Variants in CNOT7 observed in about 807,000 individuals in gnomAD.
CNOT7 encodes BTG1-binding factor 1.
In CNOT7, 4 loss-of-function variants were observed where a neutral mutation model predicts 37.1. The observed-to-expected ratio is 0.11, with a 90% CI of 0.05 to 0.25. CNOT7 has a LOEUF of 0.25. CNOT7 is among the 10% of genes least tolerant of loss of function. CNOT7 has a pLI of 1.00. For synonymous variants in CNOT7, 128 were observed against 115.6 expected (o/e 1.11, Z -0.69); for missense variants, 170 against 336.2 (o/e 0.51, Z 3.87).
Position 17,230,632 on chromosome 8 carries a change from G to T in CNOT7, c.*88C>A. The T allele has an allele frequency of 8.6e-7, 1 of 1,165,362 alleles. No individual in the cohort carries two copies. The highest frequency in any genetic ancestry group is 1.2e-6 in the Non-Finnish European group (1 of 849,316). 72.2% of individuals were successfully genotyped at this position (1,165,362 alleles called of 1,614,324 possible). On this transcript the variant is annotated 3_prime_UTR_variant, in exon 7 of 7. Coordinates refer to ENST00000361272, the MANE Select transcript of CNOT7 (RefSeq NM_013354.7). ...CCATGAAAGGGGGGGGAAAGGTACTGTCTATTGTTCGAGGGATTCAACCAG... is the reference window on the plus strand; with the variant it reads ...CCATGAAAGGGGGGGGAAAGGTACTTTCTATTGTTCGAGGGATTCAACCAG...
intron 6 of CNOT7, 137 bp downstream of exon 6, chr8:17,232,290 G>A: frequency 6.6e-7 from 1 of 1,522,112 alleles, no homozygotes; most frequent in South Asian, 1.3e-5. Context: ...TTTTAAGTGT[G>A]GTGGATGTGA....
At position 17,230,536 on chromosome 8, in the gene CNOT7, TTTTTTC is replaced by T. The variant is rs1185296533; in HGVS notation, c.*178_*183del. 2 of 391,930 alleles carry T rather than the reference TTTTTTC, an allele frequency of 5.1e-6. No homozygotes were observed. The highest frequency in any genetic ancestry group is 4.0e-5 in the East Asian group (1 of 25,094). The allele number at this position is 391,930 out of a possible 1,614,324, so 24.3% of individuals were successfully genotyped here. A position where few individuals can be genotyped will look rare whatever the true frequency, so the allele number is the denominator to read the frequency against. On this transcript the variant is annotated 3_prime_UTR_variant, in exon 7 of 7. Transcript: ENST00000361272. Reference sequence around the variant, plus strand: ...CCAAATTTAACCTGAATGCGTTTTTTTTTTTCTTTTTATTAAGATCTGAGATAGGAA... The same window carrying T: ...CCAAATTTAACCTGAATGCGTTTTTTTTTTTATTAAGATCTGAGATAGGAA...
At chr8:17,234,671 G>C (rs1277715999) in intron 5 of CNOT7, 45 bp downstream of exon 5, 1 of 1,604,082 alleles carries the variant, frequency 6.2e-7, no homozygotes. Flanking sequence ...CAGTCACTTG[G>C]TCTGAACAGT....
Position 17,233,193 on chromosome 8 carries a change from A to G in CNOT7, c.619-656T>C, listed in dbSNP as rs554266779. Among the ~76,000 whole-genome samples the G allele has an allele frequency of 2.6e-5, 4 of 152,298 alleles. No individual in the cohort carries two copies. In the South Asian group the frequency reaches 8.3e-4, roughly 32 times the overall value. ...AGGAAAGAAAGTGGGAGGACAGGCA[A>G]GGAGAGTAAAGGGAGGGGAGAATAA... is the stretch of plus-strand genomic sequence containing the variant. On this transcript the variant is annotated intron_variant, in intron 5 of 6. Coordinates refer to ENST00000361272, the MANE Select transcript of CNOT7 (RefSeq NM_013354.7).
intron 2 of CNOT7, chr8:17,243,573 G>A (rs1291067743): frequency 8.7e-6 from 4 of 461,108 alleles, no homozygotes; most frequent in African/African-American, 4.0e-5. Flanking sequence ...AAAACGCCCT[G>A]TACTTTCCAA....
rs895981467 is a variant in CNOT7, at chr8:17,226,392, G to T, written c.*4328C>A. ...TTGAAAATGTCTTTTCACACAAACA[G>T]GTCAAGGTACTGCTAAATACTGACA... On this transcript the variant is annotated 3_prime_UTR_variant, in exon 7 of 7. Transcript: ENST00000361272. The T allele has an allele frequency of 8.9e-5, 13 of 146,638 alleles. No individual in the cohort carries two copies. Among genetic ancestry groups the T allele is most frequent in the African/African-American group, 3.0e-4 (12 of 40,674 alleles). The allele number at this position is 146,638 out of a possible 1,614,324, so 9.1% of individuals were successfully genotyped here.
chr8:17,239,568 T>G (rs1021173926), intron 3 of CNOT7, among the ~76,000 whole-genome samples: 1 of 152,128 alleles, frequency 6.6e-6, no homozygotes. Flanking sequence ...CTCGGCTCAC[T>G]GCAAGCTCCA....
intron 6 of CNOT7, among the ~76,000 whole-genome samples, 190 bp from the exon 7 acceptor site, chr8:17,231,038 A>G (rs1389540150): frequency 6.6e-6 from 1 of 152,140 alleles, no homozygotes; most frequent in African/African-American, 2.4e-5. Context: ...TACAGAGCTC[A>G]GAAACCAAAG....
rs1306725530 is a variant in CNOT7, at chr8:17,237,328, A to T, written c.357T>A (p.Ser119=). The T allele has an allele frequency of 1.9e-6, 3 of 1,614,066 alleles. No homozygotes were observed. The highest frequency in any genetic ancestry group is 2.5e-6 in the Non-Finnish European group (3 of 1,179,972). Residue 119 remains serine (S), a synonymous_variant, in exon 4 of 7, where the codon TCT becomes TCA. Coordinates refer to ENST00000361272, the MANE Select transcript of CNOT7 (RefSeq NM_013354.7). ...CCTCATGTTTTTTAAACTGGATACCAGATGTTGTTAGTAGCTCTATAGAGT... is the reference window on the plus strand; with the variant it reads ...CCTCATGTTTTTTAAACTGGATACCTGATGTTGTTAGTAGCTCTATAGAGT... ...AQDSIELLTT[S]GIQFKKHEEE...
chr8:17,243,701 C>G, intron 2 of CNOT7: 1 of 454,260 alleles, frequency 2.2e-6, no homozygotes, highest in African/African-American at 2.0e-5. Flanking sequence ...AGCATGCTGT[C>G]AAGAATTGCA....
chr8:17,229,867 G>A lies in CNOT7; in HGVS notation c.*853C>T, dbSNP rs1808413346. 1 of 151,570 alleles carries A rather than the reference G, an allele frequency of 6.6e-6. No homozygotes were observed. Among genetic ancestry groups the A allele is most frequent in the Non-Finnish European group, 1.5e-5 (1 of 67,662 alleles). 9.4% of individuals were successfully genotyped at this position (151,570 alleles called of 1,614,324 possible). On this transcript the variant is annotated 3_prime_UTR_variant, in exon 7 of 7. Coordinates refer to ENST00000361272, the MANE Select transcript of CNOT7 (RefSeq NM_013354.7). ...AAAAAAAAAAAGGGTAAATGGTGAT[G>A]GAATAAAAATAAGCAGATCAAGGGA...
At position 17,227,465 on chromosome 8, in the gene CNOT7, A is replaced by T. The variant is rs1161890474; in HGVS notation, c.*3255T>A. ...AACTACTGTTCTCATCAAAGGGCTG[A>T]TGTCTTAATTTTCTCTGGACACATG... On this transcript the variant is annotated 3_prime_UTR_variant, in exon 7 of 7. Coordinates refer to ENST00000361272, the MANE Select transcript of CNOT7 (RefSeq NM_013354.7). 1 of 151,850 alleles carries T rather than the reference A, an allele frequency of 6.6e-6. No homozygotes were observed. 9.4% of individuals were successfully genotyped at this position (151,850 alleles called of 1,614,324 possible).
At chr8:17,240,352 AT>A (rs111442538) in intron 3 of CNOT7, among the ~76,000 whole-genome samples, 567 of 146,080 alleles carry the variant, frequency 3.9e-3, no homozygotes, top group Middle Eastern at 0.014. Context: ...ACATTTTGAG[AT>A]TTTTTTTTTT....
rs1808469708 is a variant in CNOT7, at chr8:17,230,426, C to T, written c.*294G>A. On this transcript the variant is annotated 3_prime_UTR_variant, in exon 7 of 7. Transcript: ENST00000361272. ...AGGGAAAAATAAACCAAACTCAAGT[C>T]GGTAAAGTTTATCAAAATATTCAAT... 2 of 188,624 alleles carry T rather than the reference C, an allele frequency of 1.1e-5. No homozygotes were observed. The highest frequency in any genetic ancestry group is 2.3e-5 in the African/African-American group (1 of 42,832). The allele number at this position is 188,624 out of a possible 1,614,324, so 11.7% of individuals were successfully genotyped here. A position where few individuals can be genotyped will look rare whatever the true frequency, so the allele number is the denominator to read the frequency against.
rs879483401 is a variant in CNOT7 at position 17,232,273 on chromosome 8, T to C, written c.729+154A>G. Reference sequence around the variant, plus strand: ...ACTACATTTCAAGATGACTTATTTTTGAATACTTTTAAGTGTGGTGGATGT... The same window carrying C: ...ACTACATTTCAAGATGACTTATTTTCGAATACTTTTAAGTGTGGTGGATGT... On this transcript the variant is annotated intron_variant, in intron 6 of 6. Coordinates refer to ENST00000361272, the MANE Select transcript of CNOT7 (RefSeq NM_013354.7). 4.1e-6 allele frequency: 6 copies of C among 1,476,456 alleles called. No individual in the cohort carries two copies. In the Admixed American group the frequency reaches 1.1e-4, roughly 28 times the overall value. The allele number at this position is 1,476,456 out of a possible 1,614,324, so 91.5% of individuals were successfully genotyped here. A position where few individuals can be genotyped will look rare whatever the true frequency, so the allele number is the denominator to read the frequency against.
In CNOT7 at chr8:17,236,698, G is replaced by A. The variant is rs576505109; in HGVS notation, c.473+514C>T. 2.6e-3 allele frequency among the ~76,000 whole-genome samples: 392 copies of A among 152,142 alleles called. 3 individuals are homozygous for A. The highest frequency in any genetic ancestry group is 4.2e-3 in the Non-Finnish European group (283 of 68,016). Reference sequence around the variant, plus strand: ...TTATCACTATCTAACAAATCACAACGTGAACTCCATTTTTAAAAACTGTCT... The same window carrying A: ...TTATCACTATCTAACAAATCACAACATGAACTCCATTTTTAAAAACTGTCT... On this transcript the variant is annotated intron_variant, in intron 4 of 6. Coordinates refer to ENST00000361272, the MANE Select transcript of CNOT7 (RefSeq NM_013354.7).
chr8:17,230,879 A>G, intron 6 of CNOT7, 31 bp from the exon 7 acceptor site: 6 of 1,491,966 alleles, frequency 4.0e-6, no homozygotes, highest in Non-Finnish European at 5.5e-6. Context: ...AAAAAAAAAG[A>G]TAATTTTAAC....
intron 3 of CNOT7, among the ~76,000 whole-genome samples, chr8:17,238,459 C>G (rs1342615742): frequency 6.6e-6 from 1 of 150,504 alleles, no homozygotes; most frequent in African/African-American, 2.4e-5. Flanking sequence ...TCAGTCTCCC[C>G]TGGAAAATCC....
chr8:17,225,770 C>G lies in CNOT7; in HGVS notation c.*4950G>C, dbSNP rs1170232383. On this transcript the variant is annotated 3_prime_UTR_variant, in exon 7 of 7. Coordinates refer to ENST00000361272, the MANE Select transcript of CNOT7 (RefSeq NM_013354.7). The stretch of plus-strand genomic sequence containing the variant: ...AAAAGAAACTCTCATATAAATTACA[C>G]CAACATAGCAAATGGCATGTGTGAA... The G allele has an allele frequency of 6.6e-6, 1 of 151,612 alleles. No individual in the cohort carries two copies. Among genetic ancestry groups the G allele is most frequent in the Non-Finnish European group, 1.5e-5 (1 of 67,696 alleles). The allele number at this position is 151,612 out of a possible 1,614,324, so 9.4% of individuals were successfully genotyped here.
Sources: gnomAD v4.1 joint callset for allele counts (sites outside exome capture counted in the v4.1 genomes callset) on GRCh38, gnomAD v4.1.1 for gene constraint, MANE v1.5 for transcripts, NCBI Gene and HGNC (gene_info 2026-07-23, HGNC 2026-07-21) for gene names.